The following SCAPER variants were observed in gnomAD, a reference collection of about 807,000 sequenced individuals.
The protein encoded by SCAPER is S phase cyclin A-associated protein in the endoplasmic reticulum.
Under a neutral mutation model 182.2 loss-of-function variants are expected in SCAPER, and 98 were observed. That is an observed-to-expected ratio of 0.54 (90% confidence interval 0.46 to 0.64). SCAPER has a LOEUF of 0.64. Ranked by LOEUF, SCAPER falls within the 30% of genes least tolerant of loss-of-function variation. SCAPER has a pLI of 0.00. For missense variants in SCAPER, 1,432 were observed against 1,690.0 expected, an observed-to-expected ratio of 0.85 and a Z score of 2.68; for synonymous variants, 605 against 564.6, an observed-to-expected ratio of 1.07 and a Z score of -1.01.
chr15:76,501,431 C>T (rs1449099726), intron 24 of SCAPER, among the ~76,000 whole-genome samples: 1 of 150,136 alleles, frequency 6.7e-6, no homozygotes, highest in Non-Finnish European at 1.5e-5. Context: ...CATGCAACTA[C>T]TGACGTACTA....
chr15:76,875,621 G>A (rs1409535441), intron 2 of SCAPER, among the ~76,000 whole-genome samples: 1 of 152,184 alleles, frequency 6.6e-6, no homozygotes, highest in Admixed American at 6.5e-5. Context: ...GTGGGTTCTT[G>A]GTCTCACTGA....
At chr15:76,856,937 T>C (rs1279760131) in intron 4 of SCAPER, among the ~76,000 whole-genome samples, 1 of 152,124 alleles carries the variant, frequency 6.6e-6, no homozygotes, top group Admixed American at 6.5e-5. Flanking sequence ...AAAAGCTAAC[T>C]ATAATTATGC....
intron 14 of SCAPER, among the ~76,000 whole-genome samples, chr15:76,762,813 A>C (rs1424152392): frequency 1.3e-5 from 2 of 151,952 alleles, no homozygotes; most frequent in Non-Finnish European, 1.5e-5. Flanking sequence ...CATAACTGAT[A>C]ATTTTTTTGT....
intron 5 of SCAPER, among the ~76,000 whole-genome samples, chr15:76,826,386 G>A (rs2068021596): frequency 7.4e-6 from 1 of 134,518 alleles, no homozygotes; most frequent in South Asian, 2.4e-4. Flanking sequence ...CACAGGAAGG[G>A]GAACATCACA....
chr15:76,418,880 C>T (rs2045829735), intron 26 of SCAPER, among the ~76,000 whole-genome samples: 1 of 152,230 alleles, frequency 6.6e-6, no homozygotes, highest in South Asian at 2.1e-4. Context: ...CCTGCACATG[C>T]CTGAACCCAG....
chr15:76,773,589 T>C (rs1356062131), intron 9 of SCAPER, among the ~76,000 whole-genome samples: 1 of 151,916 alleles, frequency 6.6e-6, no homozygotes, highest in Non-Finnish European at 1.5e-5. Context: ...TCTTCCATAT[T>C]GTTAGAAATT....
intron 21 of SCAPER, 149 bp downstream of exon 21, chr15:76,665,504 G>A (rs1231840301): frequency 1.8e-5 from 16 of 911,316 alleles, no homozygotes; most frequent in Non-Finnish European, 2.4e-5. Flanking sequence ...TCTCAATCAA[G>A]GAAAGTGGCT....
intron 21 of SCAPER, among the ~76,000 whole-genome samples, chr15:76,658,668 T>C (rs984403336): frequency 2.6e-5 from 4 of 152,158 alleles, no homozygotes; most frequent in Non-Finnish European, 5.9e-5. Flanking sequence ...AACTTCATAC[T>C]ATACCTTACA....
intron 15 of SCAPER, among the ~76,000 whole-genome samples, chr15:76,734,985 C>T (rs1300737669): frequency 6.6e-6 from 1 of 151,978 alleles, no homozygotes; most frequent in Non-Finnish European, 1.5e-5. Flanking sequence ...GGACCTAATA[C>T]ACTAAGCAAA....
intron 20 of SCAPER, among the ~76,000 whole-genome samples, chr15:76,687,866 G>A (rs1598164611): frequency 6.6e-6 from 1 of 152,188 alleles, no homozygotes; most frequent in East Asian, 1.9e-4. Flanking sequence ...TTGGTTCCAA[G>A]TATTTGCTAT....
intron 5 of SCAPER, among the ~76,000 whole-genome samples, chr15:76,816,359 A>T (rs2067077980): frequency 6.6e-6 from 1 of 151,804 alleles, no homozygotes; most frequent in Admixed American, 6.6e-5. Context: ...CCTATCTAAC[A>T]TTTTTTTTCC....
chr15:76,354,149 G>T lies in SCAPER; in HGVS notation c.3856-9C>A. 1 of 1,597,422 alleles carries T rather than the reference G, an allele frequency of 6.3e-7. No homozygotes were observed. Among genetic ancestry groups the T allele is most frequent in the Non-Finnish European group, 8.5e-7 (1 of 1,174,352 alleles). The stretch of plus-strand genomic sequence containing the variant: ...CCGGACTGCACGATCACCTGAAATG[G>T]AAGAGCAGCCCAGGTCAGCTGCCGA... On this transcript the variant is annotated splice_polypyrimidine_tract_variant and intron_variant, in intron 29 of 31. Coordinates refer to ENST00000563290, the MANE Select transcript of SCAPER (RefSeq NM_020843.4). This position sits in a 1 kb window ranked among gnomAD's most constrained non-coding sequence, Gnocchi z 4.4.
chr15:76,728,502 C>CA, intron 17 of SCAPER, 93 bp downstream of exon 17: 6 of 1,538,136 alleles, frequency 3.9e-6, no homozygotes, highest in South Asian at 1.2e-5. Context: ...AACCTCATCT[C>CA]AAAAAAACTC....
At chr15:76,803,404 T>C (rs979290466) in intron 6 of SCAPER, among the ~76,000 whole-genome samples, 2 of 152,214 alleles carry the variant, frequency 1.3e-5, no homozygotes, top group Admixed American at 6.5e-5. Flanking sequence ...TAAGAGTGTT[T>C]TTTCTTATAC....
chr15:76,637,722 T>TTTTA (rs1555512837), intron 21 of SCAPER, among the ~76,000 whole-genome samples: 1 of 77,846 alleles, frequency 1.3e-5, no homozygotes. Context: ...ATATATGTGA[T>TTTTA]TATATATATA....
chr15:76,728,671 C>G lies in SCAPER; in HGVS notation c.2089G>C (p.Glu697Gln). The G allele has an allele frequency of 6.2e-7, 1 of 1,613,608 alleles. No homozygotes were observed. The highest frequency in any genetic ancestry group is 8.5e-7 in the Non-Finnish European group (1 of 1,179,706). Residue 697 changes from glutamate to glutamine, a missense_variant, in exon 17 of 32, where the codon GAA becomes CAA. Around this residue, in one of 5 missense-constraint regions of SCAPER, gnomAD observed 88 missense variants for 184.2 expected, o/e 0.48. Coordinates refer to ENST00000563290, the MANE Select transcript of SCAPER (RefSeq NM_020843.4). ...RVEELLMKRKEQEARIEQQRQ... is the reference protein window; with the variant it reads ...RVEELLMKRKQQEARIEQQRQ... ...TGTTGTTCAATTCGGGCTTCTTGTT[C>G]TTTCCTCTTCATTAACAATTCTTCT...
chr15:76,768,568 T>C (rs1023707913), intron 10 of SCAPER, among the ~76,000 whole-genome samples: 9 of 152,292 alleles, frequency 5.9e-5, no homozygotes, highest in African/African-American at 1.9e-4. Flanking sequence ...CACTGGGTTT[T>C]CTTTTTAGAG....
chr15:76,856,404 A>T (rs1402612903), intron 4 of SCAPER, among the ~76,000 whole-genome samples: 1 of 151,968 alleles, frequency 6.6e-6, no homozygotes, highest in East Asian at 1.9e-4. Flanking sequence ...GTACCCCTGA[A>T]CCTAAAATAA....
intron 23 of SCAPER, among the ~76,000 whole-genome samples, chr15:76,566,066 G>GTCTA (rs2047012310): frequency 6.6e-6 from 1 of 152,094 alleles, no homozygotes; most frequent in Non-Finnish European, 1.5e-5. Flanking sequence ...GATGGGCAGT[G>GTCTA]TCTAGCAGGA....
Sources: allele counts gnomAD v4.1 joint callset (sites outside exome capture counted in the v4.1 genomes callset), GRCh38; gene constraint gnomAD v4.1.1; regional missense constraint gnomAD v4.1.1; non-coding constraint Gnocchi (gnomAD v3.1); transcripts MANE v1.5; gene names NCBI Gene and HGNC (gene_info 2026-07-23, HGNC 2026-07-21).